DPH6: variants seen among roughly 807,000 people sequenced by gnomAD.
DPH6 encodes the protein diphthamine biosynthesis 6, also known as diphthine--ammonia ligase.
A neutral mutation model predicts 38.2 loss-of-function variants in DPH6; 33 were observed. The ratio of observed to expected loss-of-function variants is 0.86; its 90% CI spans 0.65 to 1.15. The LOEUF (loss-of-function observed/expected upper bound fraction) is 1.15. DPH6 is among the 50% of genes most tolerant of loss of function. The pLI is 0.00. For missense variants in DPH6, 325 were observed against 320.0 expected, an observed-to-expected ratio of 1.02 and a Z score of -0.12; for synonymous variants, 108 against 103.0, an observed-to-expected ratio of 1.05 and a Z score of -0.30.
In DPH6 at chr15:35,450,799, T is replaced by C. The variant is rs767186937; in HGVS notation, c.391A>G (p.Lys131Glu). The change falls in exon 5 of 9, where the codon AAA becomes GAA. Residue 131 changes from lysine (K) to glutamate (E), a missense_variant. Physicochemically the swap from Lys to Glu is moderately conservative, Grantham distance 56. Coordinates refer to ENST00000256538, the MANE Select transcript of DPH6 (RefSeq NM_080650.4). ...YQRIRVENVC[K>E]RLNLQPLAYL... ...GCTAAAGGCTGGAGATTAAGCCTTT[T>C]ACACCTACAAAAGAAAAAGAAAAAG... is the stretch of plus-strand genomic sequence containing the variant. 2.2e-5 allele frequency: 35 copies of C among 1,598,238 alleles called. No homozygotes were observed. Among genetic ancestry groups the C allele is most frequent in the Non-Finnish European group, 2.8e-5 (33 of 1,173,700 alleles).
At chr15:35,343,534 G>T (rs564880238) in intron 3 of DPH6, among the ~76,000 whole-genome samples, 56 of 152,008 alleles carry the variant, frequency 3.7e-4, no homozygotes, top group African/African-American at 1.3e-3. Flanking sequence ...TGTCTTTCTA[G>T]GTACATCATT....
At chr15:35,490,821 A>G (rs1479977321) in intron 3 of DPH6, among the ~76,000 whole-genome samples, 2 of 152,100 alleles carry the variant, frequency 1.3e-5, no homozygotes, top group African/African-American at 2.4e-5. Flanking sequence ...CTATAAGAGA[A>G]TATCACAGAC....
chr15:35,466,148 A>C (rs1238356025), intron 3 of DPH6, among the ~76,000 whole-genome samples: 1 of 152,148 alleles, frequency 6.6e-6, no homozygotes, highest in African/African-American at 2.4e-5. Context: ...CTGTTCAGTG[A>C]TCCTGCCACT....
At chr15:35,299,207 CT>C in intron 3 of DPH6, 1 of 1,339,662 alleles carries the variant, frequency 7.5e-7, no homozygotes, top group Non-Finnish European at 1.1e-6. Context: ...GAACAGGATC[CT>C]TCAGCCCAGC....
intron 3 of DPH6, among the ~76,000 whole-genome samples, chr15:35,471,673 T>C (rs1239097232): frequency 6.6e-6 from 1 of 152,184 alleles, no homozygotes; most frequent in Non-Finnish European, 1.5e-5. Context: ...TTTCTATCCA[T>C]CCTCTGCAAC....
intron 3 of DPH6, among the ~76,000 whole-genome samples, chr15:35,318,587 A>G (rs2052213039): frequency 6.6e-6 from 1 of 152,174 alleles, no homozygotes; most frequent in South Asian, 2.1e-4. Flanking sequence ...ATGAATTTAA[A>G]GAAACTAAAA....
At chr15:35,428,721 A>G (rs931021942) in intron 5 of DPH6, among the ~76,000 whole-genome samples, 3 of 152,086 alleles carry the variant, frequency 2.0e-5, no homozygotes, top group Non-Finnish European at 4.4e-5. Context: ...GAATTGCTAT[A>G]AAAATCCTCA....
chr15:35,169,404 C>T, the DPH6 span, among the ~76,000 whole-genome samples: 4 of 152,090 alleles, frequency 2.6e-5, no homozygotes, highest in Non-Finnish European at 5.9e-5. Context: ...AATCCCAAGG[C>T]TGTAAAAAGA....
chr15:35,333,754 C>T (rs1341596591), intron 3 of DPH6, among the ~76,000 whole-genome samples: 4 of 152,082 alleles, frequency 2.6e-5, no homozygotes, highest in African/African-American at 9.7e-5. Flanking sequence ...TACTATTTGA[C>T]CCAGCAGTCT....
rs2051874783 is a variant in DPH6 at position 35,278,614 on chromosome 15, T to A, written n.201-58032A>T. ...AAGAATGGTAGAGGCAGCAGCAGCT[T>A]GCATCCTCAGTCTGGAGAAGCCACA... On this transcript the variant is annotated intron_variant and non_coding_transcript_variant, in intron 3 of 3. Coordinates refer to the DPH6 transcript ENST00000560386. 2.0e-5 allele frequency among the ~76,000 whole-genome samples: 3 copies of A among 152,182 alleles called. No homozygotes were observed. The South Asian group carries it at 6.2e-4, about 31-fold the overall frequency.
chr15:35,235,044 T>C (rs2051541732), intron 3 of DPH6, among the ~76,000 whole-genome samples: 1 of 152,254 alleles, frequency 6.6e-6, no homozygotes, highest in Non-Finnish European at 1.5e-5. Flanking sequence ...AGTCAGGCTC[T>C]ACTTCTATCT....
At chr15:35,302,716 C>G (rs1424589661) in intron 3 of DPH6, among the ~76,000 whole-genome samples, 2 of 152,042 alleles carry the variant, frequency 1.3e-5, no homozygotes, top group Non-Finnish European at 2.9e-5. Flanking sequence ...CACAATTAAA[C>G]CCTGTGGTCC....
chr15:35,499,089 G>A (rs1013033037), intron 3 of DPH6, among the ~76,000 whole-genome samples: 1 of 151,860 alleles, frequency 6.6e-6, no homozygotes, highest in African/African-American at 2.4e-5. Context: ...GTGAGTTCCA[G>A]TAGCTGTTAC....
chr15:35,218,407 CCTT>C (rs919906034), exon 4 of DPH6: 1 of 152,156 alleles, frequency 6.6e-6, no homozygotes, highest in Non-Finnish European at 1.5e-5. Context: ...GATTCAGTGA[CCTT>C]CTGACTTGAC....
At chr15:35,152,971 A>T in the DPH6 span, among the ~76,000 whole-genome samples, 2 of 152,368 alleles carry the variant, frequency 1.3e-5, no homozygotes, top group African/African-American at 4.8e-5. Context: ...ACTACAAAAA[A>T]TATCATGATA....
intron 3 of DPH6, among the ~76,000 whole-genome samples, chr15:35,279,539 A>G (rs567895646): frequency 7.9e-5 from 12 of 152,216 alleles, no homozygotes; most frequent in Admixed American, 7.2e-4. Context: ...TGTCCTCCCC[A>G]TAAGTGGGCT....
chr15:35,409,435 T>C (rs2053336447), intron 6 of DPH6, among the ~76,000 whole-genome samples: 1 of 152,018 alleles, frequency 6.6e-6, no homozygotes, highest in African/African-American at 2.4e-5. Context: ...CTGCATTTTG[T>C]GTTTAAACAT....
the DPH6 span, among the ~76,000 whole-genome samples, chr15:35,148,287 G>A: frequency 6.6e-6 from 1 of 152,002 alleles, no homozygotes; most frequent in Non-Finnish European, 1.5e-5. Context: ...ACTATAGTTT[G>A]GCTCCCCATT....
intron 6 of DPH6, 44 bp from the exon 7 acceptor site, chr15:35,381,960 TAGAC>T (rs1281841058): frequency 6.9e-7 from 1 of 1,453,800 alleles, no homozygotes; most frequent in South Asian, 1.2e-5. Context: ...AGTTTAAAAT[TAGAC>T]AGCATAAATG....
Sources: allele counts gnomAD v4.1 joint callset (sites outside exome capture counted in the v4.1 genomes callset), GRCh38; gene constraint gnomAD v4.1.1; transcripts MANE v1.5; gene names NCBI Gene and HGNC (gene_info 2026-07-23, HGNC 2026-07-21).